Variants in COL5A1 observed in about 807,000 individuals in gnomAD.
COL5A1 encodes the protein collagen alpha-1(V) chain.
COL5A1 carries 16 observed loss-of-function variants against 263.7 expected under a neutral mutation model. The observed-to-expected ratio is 0.06, with a 90% CI of 0.04 to 0.09. The LOEUF (loss-of-function observed/expected upper bound fraction) is 0.09, where lower values mean the gene tolerates loss of function less well. Among genes scored for constraint, COL5A1 ranks in the 10% least tolerant of loss-of-function variants. The pLI, the probability that COL5A1 is intolerant of heterozygous loss-of-function variation, is 1.00. For missense variants in COL5A1, 2,036 were observed against 2,540.5 expected, an observed-to-expected ratio of 0.80 and a Z score of 4.27; for synonymous variants, 1,012 against 1,004.5, an observed-to-expected ratio of 1.01 and a Z score of -0.14.
intron 9 of COL5A1, among the ~76,000 whole-genome samples, chr9:134,733,402 C>T (rs1323598393): frequency 6.6e-6 from 1 of 152,210 alleles, no homozygotes; most frequent in East Asian, 1.9e-4. Flanking sequence ...GTCTGGATGG[C>T]TCTTGTGGGG....
At chr9:134,748,073 C>CAGA in intron 11 of COL5A1, among the ~76,000 whole-genome samples, 1 of 135,494 alleles carries the variant, frequency 7.4e-6, no homozygotes, top group Non-Finnish European at 1.6e-5. Flanking sequence ...ATGCACACAC[C>CAGA]CACAAACATG....
intron 11 of COL5A1, among the ~76,000 whole-genome samples, chr9:134,740,691 T>A (rs1459143987): frequency 6.6e-6 from 1 of 152,180 alleles, no homozygotes; most frequent in Non-Finnish European, 1.5e-5. Context: ...GGGGTGCTGG[T>A]TCACACCTCA....
Position 134,822,904 on chromosome 9 carries a change from G to A in COL5A1, c.4609-94G>A, listed in dbSNP as rs1049972997. On this transcript the variant is annotated intron_variant, in intron 59 of 65. Transcript: ENST00000371817. ...TGAGGGGGATGCGGGTGGGAGAGGG[G>A]CGAGGGGCGAGACCAGGCTGGGCAG... The A allele has an allele frequency of 3.5e-6, 5 of 1,413,908 alleles. No homozygotes were observed. In the African/African-American group the frequency reaches 5.6e-5, roughly 16 times the overall value. 87.6% of individuals were successfully genotyped at this position (1,413,908 alleles called of 1,614,324 possible).
Position 134,811,383 on chromosome 9 carries a change from A to G in COL5A1, c.3573A>G (p.Pro1191=), listed in dbSNP as rs564398230. 2.0e-5 allele frequency: 32 copies of G among 1,613,288 alleles called. No homozygotes were observed. The East Asian group carries it at 5.8e-4, about 29-fold the overall frequency. ...PTGPQGPIGQ[P]GPSGADGEPG... is the part of the protein sequence containing the mutation. ...GTCCTCAAGGCCCCATCGGACAGCC[A>G]GGCCCCTCTGTGAGTATCCATGGTC... The change falls in exon 45 of 66, where the codon CCA becomes CCG. Residue 1191 remains proline, a synonymous_variant. Transcript: ENST00000371817.
chr9:134,789,498 T>C lies in COL5A1; in HGVS notation c.2700+290T>C, dbSNP rs943221121. On this transcript the variant is annotated intron_variant, in intron 32 of 65. Transcript: ENST00000371817. The surrounding 1 kb of genome is among the most constrained non-coding windows in gnomAD (Gnocchi z 4.8). ...AATCCAGAAGGCTCTTTCAGGTCAT[T>C]CTGAAAATCAGATTCTTCTCCTCTA... Among the ~76,000 whole-genome samples the C allele has an allele frequency of 6.6e-6, 1 of 152,206 alleles. No individual in the cohort carries two copies. The highest frequency in any genetic ancestry group is 6.5e-5 in the Admixed American group (1 of 15,282).
intron 1 of COL5A1, among the ~76,000 whole-genome samples, chr9:134,646,177 C>G (rs558086484): frequency 2.0e-5 from 3 of 152,156 alleles, no homozygotes; most frequent in Non-Finnish European, 4.4e-5. Flanking sequence ...TTGGGGAGAC[C>G]GAGGCAAATG....
chr9:134,729,215 C>T (rs3124303), intron 6 of COL5A1, among the ~76,000 whole-genome samples: 60,000 of 152,062 alleles, frequency 0.39, 13,228 homozygotes, highest in Admixed American at 0.57. Context: ...AGTCTGAGGT[C>T]GGCCTCGGGT....
intron 11 of COL5A1, among the ~76,000 whole-genome samples, chr9:134,745,173 C>T (rs1443094785): frequency 6.6e-6 from 1 of 152,236 alleles, no homozygotes; most frequent in Non-Finnish European, 1.5e-5. Context: ...TGCTGTAGCC[C>T]TGGAGGCAGT....
intron 1 of COL5A1, among the ~76,000 whole-genome samples, chr9:134,655,229 C>G (rs1588408120): frequency 2.0e-5 from 3 of 151,698 alleles, no homozygotes; most frequent in Non-Finnish European, 2.9e-5. Flanking sequence ...GCTGGTTTAT[C>G]CGAATGCACT....
intron 11 of COL5A1, 130 bp from the exon 12 acceptor site, chr9:134,750,412 G>T (rs1835731522): frequency 5.0e-6 from 4 of 807,242 alleles, no homozygotes; most frequent in Middle Eastern, 6.3e-4. Context: ...CTGCCACGGG[G>T]TCTCACAGCT....
intron 4 of COL5A1, among the ~76,000 whole-genome samples, chr9:134,723,941 C>T (rs1028734165): frequency 5.9e-5 from 9 of 152,180 alleles, no homozygotes; most frequent in African/African-American, 1.4e-4. Flanking sequence ...GGGTCACCCA[C>T]GATAACCACA....
At chr9:134,688,955 C>G (rs772707821) in intron 1 of COL5A1, among the ~76,000 whole-genome samples, 3 of 151,892 alleles carry the variant, frequency 2.0e-5, no homozygotes, top group African/African-American at 7.2e-5. Flanking sequence ...CTGCTGTCTT[C>G]CCTGCACTGT....
intron 11 of COL5A1, among the ~76,000 whole-genome samples, chr9:134,747,350 A>T (rs1189712623): frequency 6.6e-6 from 1 of 152,242 alleles, no homozygotes. Flanking sequence ...GGAAATGGAC[A>T]GCAGTGGACA....
At chr9:134,788,994 G>A (rs1837574520) in intron 31 of COL5A1, among the ~76,000 whole-genome samples, 161 bp from the exon 32 acceptor site, 1 of 141,328 alleles carries the variant, frequency 7.1e-6, no homozygotes, top group South Asian at 2.6e-4. Flanking sequence ...GTGGATAGGT[G>A]AGAAGGTAGG....
chr9:134,798,597 C>T, intron 37 of COL5A1, 136 bp downstream of exon 37: 3 of 236,768 alleles, frequency 1.3e-5, no homozygotes, highest in Admixed American at 1.3e-4. Context: ...GAAAGGCTCC[C>T]AAGGGCCGGG....
intron 6 of COL5A1, among the ~76,000 whole-genome samples, chr9:134,729,917 G>GT (rs1834815235): frequency 6.6e-6 from 1 of 152,184 alleles, no homozygotes; most frequent in Admixed American, 6.5e-5. Flanking sequence ...AGCCTGGAGT[G>GT]TTTTGCTACT....
chr9:134,842,650 G>T lies in COL5A1; in HGVS notation c.*347G>T, dbSNP rs1451841312. On this transcript the variant is annotated 3_prime_UTR_variant, in exon 66 of 66. Transcript: ENST00000371817. The surrounding 1 kb of genome is among the most constrained non-coding windows in gnomAD (Gnocchi z 5.8). ...GTTCGTGAATAGGTCTCAGGGGTTG[G>T]GGGAGGGACTGCCAGATTTGGACAC... 2.4e-6 allele frequency: 1 copy of T among 409,820 alleles called. No individual in the cohort carries two copies. Among genetic ancestry groups the T allele is most frequent in the Admixed American group, 4.1e-5 (1 of 24,134 alleles). The allele number at this position is 409,820 out of a possible 1,614,324, so 25.4% of individuals were successfully genotyped here.
chr9:134,697,777 CCA>C (rs1011838838), intron 2 of COL5A1, among the ~76,000 whole-genome samples: 2 of 152,156 alleles, frequency 1.3e-5, no homozygotes, highest in Non-Finnish European at 1.5e-5. Flanking sequence ...GCTGTCATCT[CCA>C]GAGTCCCCCG....
intron 4 of COL5A1, among the ~76,000 whole-genome samples, chr9:134,714,001 T>G (rs138339153): frequency 6.6e-5 from 10 of 152,274 alleles, no homozygotes; most frequent in Non-Finnish European, 1.5e-4. Flanking sequence ...TCCGTGACGC[T>G]CTCCTTGACC....
Sources: allele counts gnomAD v4.1 joint callset (sites outside exome capture counted in the v4.1 genomes callset), GRCh38; gene constraint gnomAD v4.1.1; non-coding constraint Gnocchi (gnomAD v3.1); transcripts MANE v1.5; gene names NCBI Gene and HGNC (gene_info 2026-07-23, HGNC 2026-07-21).